P2RY12: variants seen among roughly 807,000 people sequenced by gnomAD.
P2RY12 encodes purinergic receptor P2Y12.
A neutral mutation model predicts 4.5 loss-of-function variants in P2RY12; 3 were observed. The observed-to-expected ratio is 0.67, with a 90% confidence interval of 0.31 to 1.74. The LOEUF (loss-of-function observed/expected upper bound fraction) is 1.74. Among genes scored for constraint, P2RY12 ranks in the 40% most tolerant of loss-of-function variants. P2RY12 has a pLI of 0.09. For synonymous variants in P2RY12, 148 were observed against 154.1 expected (o/e 0.96, Z 0.29); for missense variants, 356 against 407.8 (o/e 0.87, Z 1.09).
intron 1 of P2RY12, among the ~76,000 whole-genome samples, chr3:151,379,239 A>G (rs961735899): frequency 7.2e-5 from 11 of 152,188 alleles, no homozygotes; most frequent in Non-Finnish European, 2.9e-5. Flanking sequence ...TGCATTGCCT[A>G]ACTTCCCATA....
intron 1 of P2RY12, among the ~76,000 whole-genome samples, chr3:151,357,058 A>G (rs1391575642): frequency 7.2e-5 from 11 of 152,236 alleles, no homozygotes; most frequent in Admixed American, 5.9e-4. Flanking sequence ...GAACAACTCT[A>G]TAAATTGGAA....
chr3:151,356,009 C>T, intron 1 of P2RY12: 1 of 1,613,414 alleles, frequency 6.2e-7, no homozygotes, highest in Non-Finnish European at 8.5e-7. Flanking sequence ...CAGCACTGAA[C>T]ATCAACGGAC....
intron 1 of P2RY12, chr3:151,384,160 C>A: frequency 6.2e-7 from 1 of 1,613,950 alleles, no homozygotes; most frequent in South Asian, 1.1e-5. Flanking sequence ...TCAAATGCAT[C>A]CCCTGGGGGA....
chr3:151,367,514 A>G, intron 1 of P2RY12: 2 of 729,216 alleles, frequency 2.7e-6, no homozygotes, highest in Non-Finnish European at 4.2e-6. Flanking sequence ...ATGATATGTT[A>G]TCATTTCCCT....
intron 1 of P2RY12, chr3:151,368,381 G>A: frequency 1.4e-6 from 1 of 722,110 alleles, no homozygotes; most frequent in Non-Finnish European, 2.4e-6. Flanking sequence ...GTGATGAAGG[G>A]TGAGATGATA....
intron 1 of P2RY12, among the ~76,000 whole-genome samples, chr3:151,341,760 G>T (rs1013638727): frequency 1.0e-4 from 15 of 148,610 alleles, no homozygotes; most frequent in Non-Finnish European, 2.1e-4. Flanking sequence ...CCAGAGTGTA[G>T]TGTTTCCCTT....
At position 151,337,313 on chromosome 3, in the gene P2RY12, A is replaced by T. The variant is rs1204668531; in HGVS notation, c.*504T>A. ...TAATAATGAAAAGTTAATAGTTATT[A>T]TTCTTTGTGTATCCCACTTACTTAA... is the stretch of plus-strand genomic sequence containing the variant. On this transcript the variant is annotated 3_prime_UTR_variant, in exon 3 of 3. Transcript: ENST00000302632. The T allele has an allele frequency of 6.5e-6, 1 of 154,132 alleles. No homozygotes were observed. Among genetic ancestry groups the T allele is most frequent in the Admixed American group, 6.4e-5 (1 of 15,562 alleles). 9.5% of individuals were successfully genotyped at this position (154,132 alleles called of 1,614,324 possible).
intron 1 of P2RY12, among the ~76,000 whole-genome samples, chr3:151,373,024 C>T (rs559271032): frequency 3.9e-5 from 6 of 152,068 alleles, no homozygotes; most frequent in Admixed American, 1.3e-4. Flanking sequence ...GGTGCATATA[C>T]CTATTTTTTC....
intron 1 of P2RY12, among the ~76,000 whole-genome samples, chr3:151,379,658 AAATC>A (rs1467412945): frequency 6.6e-6 from 1 of 152,224 alleles, no homozygotes; most frequent in Non-Finnish European, 1.5e-5. Context: ...CTGAAAAACA[AAATC>A]AAACCCCAAA....
At chr3:151,372,426 C>G in intron 1 of P2RY12, 1 of 645,936 alleles carries the variant, frequency 1.5e-6, no homozygotes. Flanking sequence ...GATCCATTCT[C>G]TCTATTCCTG....
In P2RY12 at chr3:151,338,386, A is replaced by G. The variant is rs62283053; in HGVS notation, c.460T>C (p.Leu154=). Residue 154 remains leucine (L), a synonymous_variant, in exon 3 of 3, where the codon TTA becomes CTA. Coordinates refer to ENST00000302632, the MANE Select transcript of P2RY12 (RefSeq NM_022788.5). ...LSVVIWAFMF[L]LSLPNMILTN... ...AGAATCATGTTAGGCAAAGAGAGTA[A>G]GAACATGAATGCCCAGATGACAACA... The G allele has an allele frequency of 3.3e-3, 5,402 of 1,614,176 alleles. 20 individuals are homozygous for G. The highest frequency in any genetic ancestry group is 4.3e-3 in the South Asian group (391 of 91,084).
chr3:151,376,695 G>A (rs988329960), intron 1 of P2RY12: 20 of 915,988 alleles, frequency 2.2e-5, no homozygotes, highest in Middle Eastern at 2.3e-4. Context: ...ATTTCATTGT[G>A]TATGATTATT....
intron 2 of P2RY12, 131 bp from the exon 3 acceptor site, chr3:151,338,990 G>A (rs1401900485): frequency 2.7e-6 from 2 of 746,618 alleles, no homozygotes; most frequent in African/African-American, 3.5e-5. Context: ...GTAGTAGTTA[G>A]TATGAACACA....
intron 1 of P2RY12, among the ~76,000 whole-genome samples, chr3:151,347,869 G>T (rs1027956814): frequency 1.1e-4 from 17 of 152,154 alleles, no homozygotes; most frequent in Non-Finnish European, 2.5e-4. Flanking sequence ...TATTATTCGA[G>T]ATCATGGACT....
chr3:151,382,492 A>T (rs762322423), intron 1 of P2RY12, among the ~76,000 whole-genome samples: 5 of 152,150 alleles, frequency 3.3e-5, no homozygotes, highest in Non-Finnish European at 5.9e-5. Context: ...AAATAGCCAG[A>T]TTTCTTTCTG....
intron 1 of P2RY12, among the ~76,000 whole-genome samples, chr3:151,371,674 A>G (rs1756206450): frequency 6.6e-6 from 1 of 152,188 alleles, no homozygotes; most frequent in South Asian, 2.1e-4. Flanking sequence ...GCCTACTGTA[A>G]AAGCATTTGT....
chr3:151,368,692 TTCATTTCATTTCATTTCATTTC>T (rs1755736322), intron 1 of P2RY12, among the ~76,000 whole-genome samples: 1 of 36,504 alleles, frequency 2.7e-5, no homozygotes, highest in Non-Finnish European at 5.1e-5. Flanking sequence ...TTCATTTTAT[TTCATTTCATTTCATTTCATTTC>T]ATTTCATTTC....
intron 1 of P2RY12, among the ~76,000 whole-genome samples, chr3:151,375,536 T>A (rs1197437339): frequency 6.6e-6 from 1 of 152,288 alleles, no homozygotes; most frequent in Admixed American, 6.5e-5. Flanking sequence ...AAAAAAGAGA[T>A]GTGCACTACT....
chr3:151,338,786 GTC>G lies in P2RY12; in HGVS notation c.58_59del (p.Asp20LeufsTer36). The G allele has an allele frequency of 2.5e-6, 4 of 1,613,952 alleles. No homozygotes were observed. The highest frequency in any genetic ancestry group is 1.7e-5 in the Admixed American group (1 of 59,948). ...GGAAGAGGACCTGGGTGATTTTGTA[GTC>G]TCTGGTGCACAGACTGGTGTTACCA... is the stretch of plus-strand genomic sequence containing the variant. ...APGNTSLCTR[D>X]YKITQVLFPL... On this transcript the variant is annotated frameshift_variant, in exon 3 of 3. Coordinates refer to ENST00000302632, the MANE Select transcript of P2RY12 (RefSeq NM_022788.5). LOFTEE classifies it high-confidence loss of function.
Sources: allele counts gnomAD v4.1 joint callset (sites outside exome capture counted in the v4.1 genomes callset), GRCh38; gene constraint gnomAD v4.1.1; transcripts MANE v1.5; gene names NCBI Gene and HGNC (gene_info 2026-07-23, HGNC 2026-07-21).